RSPH14: variants seen among roughly 807,000 people sequenced by gnomAD.
RSPH14 encodes rhabdoid tumor deletion region gene 1.
RSPH14 carries 20 observed loss-of-function variants against 26.7 expected under a neutral mutation model. The observed-to-expected ratio is 0.75, with a 90% CI of 0.53 to 1.09. The LOEUF is 1.09. Among genes scored for constraint, RSPH14 ranks in the 50% least tolerant of loss-of-function variants. The probability of loss-of-function intolerance (pLI) is 0.00; values close to 1 mark genes in which losing one functional copy is unlikely to be tolerated. For synonymous variants in RSPH14, 177 were observed against 189.3 expected, an observed-to-expected ratio of 0.93 and a Z score of 0.53; for missense variants, 449 against 457.2, an observed-to-expected ratio of 0.98 and a Z score of 0.16.
intron 4 of RSPH14, among the ~76,000 whole-genome samples, chr22:23,107,989 C>G (rs910872291): frequency 3.3e-4 from 50 of 152,304 alleles, no homozygotes; most frequent in Non-Finnish European, 6.2e-4. Context: ...CCTATAGGTG[C>G]CCATCACCCA....
intron 4 of RSPH14, among the ~76,000 whole-genome samples, chr22:23,093,038 T>A (rs1406560713): frequency 6.6e-6 from 1 of 152,206 alleles, no homozygotes; most frequent in Non-Finnish European, 1.5e-5. Flanking sequence ...TGTCAGGTCG[T>A]CAGCAGGGAC....
chr22:23,160,980 G>A, the RSPH14 span: 103 of 1,612,048 alleles, frequency 6.4e-5, no homozygotes, highest in Admixed American at 2.3e-4. Flanking sequence ...GCTCCAGGTC[G>A]GCAATGGAGA....
At chr22:23,135,317 C>CAAAAAAAAAAAAAAAAAA (rs55649510) in intron 3 of RSPH14, among the ~76,000 whole-genome samples, 1 of 85,890 alleles carries the variant, frequency 1.2e-5, no homozygotes, top group Non-Finnish European at 2.2e-5. Flanking sequence ...ACTAAAAATA[C>CAAAAAAAAAAAAAAAAAA]AAAAAAAAAA....
intron 4 of RSPH14, among the ~76,000 whole-genome samples, chr22:23,126,423 T>C (rs1453220974): frequency 1.3e-5 from 2 of 152,160 alleles, no homozygotes; most frequent in African/African-American, 4.8e-5. Context: ...AATGATCCCT[T>C]TGCCTAGCAT....
the RSPH14 span, among the ~76,000 whole-genome samples, chr22:23,161,343 G>A: frequency 6.6e-6 from 1 of 152,192 alleles, no homozygotes; most frequent in Non-Finnish European, 1.5e-5. Context: ...CCAGTGCCTG[G>A]AAGGCCCTCT....
chr22:23,136,424 C>CGTGA, intron 3 of RSPH14: 1 of 562,254 alleles, frequency 1.8e-6, no homozygotes, highest in South Asian at 1.8e-5. Flanking sequence ...TATAAGATCA[C>CGTGA]CACTGACCTC....
chr22:23,062,054 C>CCCA, intron 5 of RSPH14, 109 bp from the exon 6 acceptor site: 1 of 1,259,162 alleles, frequency 7.9e-7, no homozygotes, highest in South Asian at 1.4e-5. Context: ...GGGGGCTACC[C>CCCA]CAGGTAGTCC....
chr22:23,096,282 C>T (rs755736229), intron 4 of RSPH14: 1 of 1,614,058 alleles, frequency 6.2e-7, no homozygotes, highest in East Asian at 2.2e-5. Context: ...AAGGAGCTCA[C>T]CTTCAAGATG....
At chr22:23,180,570 A>AGGCGGAGGCGGC in the RSPH14 span, 1 of 108,266 alleles carries the variant, frequency 9.2e-6, no homozygotes, top group African/African-American at 8.1e-5. Context: ...GCGTCCGAGG[A>AGGCGGAGGCGGC]GGCGGCGGCG....
chr22:23,070,851 A>T (rs1482051547), intron 4 of RSPH14: 1 of 151,010 alleles, frequency 6.6e-6, no homozygotes, highest in Non-Finnish European at 1.5e-5. Flanking sequence ...AGGACCCGGG[A>T]GGGTGGACAG....
At chr22:23,108,261 C>T (rs574823718) in intron 4 of RSPH14, among the ~76,000 whole-genome samples, 11 of 152,370 alleles carry the variant, frequency 7.2e-5, no homozygotes, top group African/African-American at 2.6e-4. Flanking sequence ...GGAGAGCGGT[C>T]CCCAAGCAGA....
At chr22:23,075,865 C>T (rs145799255) in intron 4 of RSPH14, among the ~76,000 whole-genome samples, 30 of 151,856 alleles carry the variant, frequency 2.0e-4, no homozygotes, top group Admixed American at 1.4e-3. Context: ...CTGTGAGTCA[C>T]GGAGGCCAAG....
chr22:23,120,339 A>G (rs2069979088), intron 4 of RSPH14, among the ~76,000 whole-genome samples: 1 of 152,116 alleles, frequency 6.6e-6, no homozygotes, highest in Non-Finnish European at 1.5e-5. Context: ...GGACAAGAAG[A>G]GTGGCTGCCT....
the RSPH14 span, chr22:23,158,134 C>G: frequency 1.3e-6 from 2 of 1,568,004 alleles, no homozygotes; most frequent in Admixed American, 3.8e-5. Context: ...GACCCTGACC[C>G]CGTGGTGGGT....
intron 4 of RSPH14, among the ~76,000 whole-genome samples, chr22:23,090,285 C>T (rs1056141546): frequency 5.9e-5 from 9 of 152,094 alleles, no homozygotes; most frequent in South Asian, 2.1e-4. Context: ...GTTCCCTGAT[C>T]GTCTCCCTGT....
intron 4 of RSPH14, among the ~76,000 whole-genome samples, chr22:23,093,236 T>C (rs985659267): frequency 6.6e-6 from 1 of 152,254 alleles, no homozygotes; most frequent in Admixed American, 6.5e-5. Context: ...AGTGACTGTT[T>C]AATCACTGCC....
At chr22:23,154,865 C>T in the RSPH14 span, among the ~76,000 whole-genome samples, 1 of 152,198 alleles carries the variant, frequency 6.6e-6, no homozygotes, top group Admixed American at 6.5e-5. Context: ...GTGGCTCACA[C>T]CTGTAATCCC....
chr22:23,063,823 C>T (rs547030126), intron 5 of RSPH14, 79 bp downstream of exon 5: 39 of 1,398,414 alleles, frequency 2.8e-5, no homozygotes, highest in African/African-American at 1.8e-4. Flanking sequence ...CCAGGGTGGC[C>T]GCCCTTGAGC....
chr22:23,070,330 G>A (rs1231875639), intron 4 of RSPH14: 1 of 142,354 alleles, frequency 7.0e-6, no homozygotes, highest in Non-Finnish European at 1.6e-5. Flanking sequence ...GCGGCGCGGC[G>A]CGGGGCGGGC....
Sources: allele counts gnomAD v4.1 joint callset (sites outside exome capture counted in the v4.1 genomes callset), GRCh38; gene constraint gnomAD v4.1.1; transcripts MANE v1.5; gene names NCBI Gene and HGNC (gene_info 2026-07-23, HGNC 2026-07-21).